The following NGEF variants were observed in gnomAD, a reference collection of about 807,000 sequenced individuals.
NGEF encodes the protein ephexin-1.
In NGEF, 31 loss-of-function variants were observed where a neutral mutation model predicts 80.9. That is an observed-to-expected ratio of 0.38 (90% CI 0.29 to 0.52). NGEF has a LOEUF of 0.52. NGEF is among the 20% of genes least tolerant of loss of function. NGEF has a pLI of 0.84. For synonymous variants in NGEF, 371 were observed against 370.2 expected (o/e 1.00, Z -0.03); for missense variants, 709 against 926.2 (o/e 0.77, Z 3.04).
chr2:232,886,125 GTATA>G (rs1691676249), intron 9 of NGEF, among the ~76,000 whole-genome samples: 8 of 23,882 alleles, frequency 3.3e-4, no homozygotes, highest in Admixed American at 9.9e-4. Context: ...TGTGTGCTGT[GTATA>G]TGCAGTGTGT....
chr2:232,994,228 G>T (rs1446428356), intron 1 of NGEF, among the ~76,000 whole-genome samples: 1 of 152,040 alleles, frequency 6.6e-6, no homozygotes, highest in East Asian at 1.9e-4. Context: ...AAAGTAGCTG[G>T]GCGTGGTAGT....
chr2:232,889,074 G>A (rs999748835), intron 8 of NGEF, among the ~76,000 whole-genome samples: 1 of 152,164 alleles, frequency 6.6e-6, no homozygotes, highest in Middle Eastern at 3.4e-3. Flanking sequence ...CCTCTCCTGT[G>A]GTCACCTGCC....
chr2:232,958,780 T>C (rs1693887067), intron 3 of NGEF, among the ~76,000 whole-genome samples: 1 of 152,162 alleles, frequency 6.6e-6, no homozygotes. Flanking sequence ...TTCAAACATA[T>C]ACTGAAATAG....
chr2:232,909,387 T>C (rs75469509), intron 5 of NGEF, among the ~76,000 whole-genome samples: 18,754 of 152,172 alleles, frequency 0.12, 1,310 homozygotes, highest in South Asian at 0.27. Flanking sequence ...TTAATGTATA[T>C]GATTCATTTA....
At chr2:232,890,944 TGG>T (rs779640335) in intron 8 of NGEF, 1 of 472,256 alleles carries the variant, frequency 2.1e-6, no homozygotes, top group South Asian at 1.5e-5. Flanking sequence ...CTTGCAGTCT[TGG>T]GGCCTTTGCA....
At chr2:233,000,965 C>T (rs920307519) in intron 1 of NGEF, among the ~76,000 whole-genome samples, 10 of 152,132 alleles carry the variant, frequency 6.6e-5, no homozygotes, top group African/African-American at 2.2e-4. Flanking sequence ...GAAACGGCGC[C>T]GTGAACCAGT....
Position 232,920,274 on chromosome 2 carries a change from C to A in NGEF, c.828+10G>T, listed in dbSNP as rs201473824. 1.9e-5 allele frequency: 30 copies of A among 1,607,420 alleles called. 1 individual carries two copies. The South Asian group carries it at 3.2e-4, about 17-fold the overall frequency. The stretch of plus-strand genomic sequence containing the variant: ...CTGTGGGGGAGCCCCCGCCCCTCGG[C>A]GCCTGTTACCTCCTGCAGCTTAATC... On this transcript the variant is annotated intron_variant, in intron 5 of 14. Transcript: ENST00000264051.
chr2:233,011,706 GC>G (rs1695207779), intron 1 of NGEF, among the ~76,000 whole-genome samples: 1 of 152,096 alleles, frequency 6.6e-6, no homozygotes, highest in African/African-American at 2.4e-5. Context: ...TCCTGCCTCT[GC>G]CTCCTGAGTG....
intron 12 of NGEF, among the ~76,000 whole-genome samples, chr2:232,882,681 G>A (rs575328803): frequency 1.1e-4 from 16 of 152,338 alleles, no homozygotes; most frequent in African/African-American, 3.4e-4. Flanking sequence ...GAGGATATCT[G>A]GTGAGTTGTG....
At chr2:232,884,265 C>G (rs1265424738) in intron 10 of NGEF, 121 bp from the exon 11 acceptor site, 3 of 1,185,200 alleles carry the variant, frequency 2.5e-6, no homozygotes, top group Non-Finnish European at 3.4e-6. Context: ...ACATGAGGCA[C>G]AAGTTGGGGG....
intron 1 of NGEF, among the ~76,000 whole-genome samples, chr2:233,002,443 C>T (rs754309812): frequency 2.6e-5 from 4 of 151,890 alleles, no homozygotes; most frequent in African/African-American, 4.8e-5. Flanking sequence ...TTTGGGAGGC[C>T]GAGGCAGGAG....
chr2:232,997,744 G>A (rs2106341011), intron 1 of NGEF, among the ~76,000 whole-genome samples: 1 of 152,060 alleles, frequency 6.6e-6, no homozygotes, highest in East Asian at 1.9e-4. Flanking sequence ...GCTCTCCAGG[G>A]CCCACCCTCT....
chr2:232,888,256 A>G (rs1168704319), intron 8 of NGEF, 149 bp from the exon 9 acceptor site: 2 of 615,622 alleles, frequency 3.2e-6, no homozygotes, highest in African/African-American at 1.9e-5. Context: ...GCACACGCAT[A>G]CATGCATGCA....
At chr2:232,960,748 C>T (rs768871246) in intron 3 of NGEF, among the ~76,000 whole-genome samples, 2 of 152,168 alleles carry the variant, frequency 1.3e-5, no homozygotes, top group Non-Finnish European at 2.9e-5. Flanking sequence ...CGTGGTGGTG[C>T]ATGCCTGTAA....
chr2:232,893,113 C>T (rs1691936390), intron 6 of NGEF, 63 bp from the exon 7 acceptor site: 3 of 1,537,626 alleles, frequency 2.0e-6, no homozygotes, highest in Admixed American at 3.5e-5. Context: ...ATTGTCTCAC[C>T]AAGGGCAGCA....
At chr2:232,887,472 C>T (rs562375702) in intron 9 of NGEF, among the ~76,000 whole-genome samples, 21 of 152,336 alleles carry the variant, frequency 1.4e-4, no homozygotes, top group Admixed American at 1.3e-3. Flanking sequence ...CACAGAGATG[C>T]ACAGGGGTGA....
chr2:232,937,617 T>C (rs1246180637), intron 3 of NGEF, among the ~76,000 whole-genome samples: 1 of 152,198 alleles, frequency 6.6e-6, no homozygotes, highest in African/African-American at 2.4e-5. Context: ...CATTGATCTC[T>C]GCATCCTCAG....
chr2:232,959,366 T>TGTGTTTAGACACTCTCACA (rs1227420895), intron 3 of NGEF, among the ~76,000 whole-genome samples: 1 of 152,198 alleles, frequency 6.6e-6, no homozygotes, highest in Non-Finnish European at 1.5e-5. Flanking sequence ...TGCTTGTCCC[T>TGTGTTTAGACACTCTCACA]GTGTTTAGAC....
chr2:232,947,828 TAA>T (rs1693590075), intron 3 of NGEF, among the ~76,000 whole-genome samples: 1 of 152,206 alleles, frequency 6.6e-6, no homozygotes, highest in South Asian at 2.1e-4. Flanking sequence ...CCTGTATTTT[TAA>T]AGAGTCAGTC....
Sources: allele counts gnomAD v4.1 joint callset (sites outside exome capture counted in the v4.1 genomes callset), GRCh38; gene constraint gnomAD v4.1.1; transcripts MANE v1.5; gene names NCBI Gene and HGNC (gene_info 2026-07-23, HGNC 2026-07-21).